ANTXR1: variants seen among roughly 807,000 people sequenced by gnomAD.
The protein encoded by ANTXR1 is anthrax toxin receptor 1.
Under a neutral mutation model 78.1 loss-of-function variants are expected in ANTXR1, and 19 were observed. That is an observed-to-expected ratio of 0.24 (90% confidence interval 0.17 to 0.36). ANTXR1 has a LOEUF of 0.36. Among genes scored for constraint, ANTXR1 ranks in the 10% least tolerant of loss-of-function variants. The pLI, the probability that ANTXR1 is intolerant of heterozygous loss-of-function variation, is 1.00. For synonymous variants in ANTXR1, 273 were observed against 260.5 expected (o/e 1.05, Z -0.46); for missense variants, 518 against 718.6 (o/e 0.72, Z 3.19).
At chr2:69,051,815 A>G (rs1427270479) in intron 3 of ANTXR1, among the ~76,000 whole-genome samples, 2 of 152,172 alleles carry the variant, frequency 1.3e-5, no homozygotes, top group South Asian at 4.1e-4. Flanking sequence ...TATTTTCATT[A>G]TGGAGTGTGC....
At chr2:69,052,130 T>C (rs917264024) in intron 3 of ANTXR1, among the ~76,000 whole-genome samples, 2 of 152,124 alleles carry the variant, frequency 1.3e-5, no homozygotes, top group Non-Finnish European at 2.9e-5. Context: ...TTGCATTGTA[T>C]TTTAGAAACA....
At chr2:69,206,834 G>A (rs1674917161) in intron 17 of ANTXR1, among the ~76,000 whole-genome samples, 2 of 152,174 alleles carry the variant, frequency 1.3e-5, no homozygotes, top group Admixed American at 1.3e-4. Context: ...CACTGCTGGT[G>A]GGCCTCAAGT....
chr2:69,029,319 T>G (rs1305298108), intron 1 of ANTXR1, among the ~76,000 whole-genome samples: 3 of 141,890 alleles, frequency 2.1e-5, no homozygotes, highest in African/African-American at 8.8e-5. Context: ...ATTAGATATA[T>G]ATAGATATAG....
At chr2:69,225,811 A>G (rs148414320) in intron 17 of ANTXR1, among the ~76,000 whole-genome samples, 45 of 152,326 alleles carry the variant, frequency 3.0e-4, no homozygotes, top group Middle Eastern at 3.4e-3. Context: ...GTTGGGTGCT[A>G]TTCCAGAGCT....
intron 4 of ANTXR1, 21 bp from the exon 5 acceptor site, chr2:69,071,733 G>T: frequency 6.2e-7 from 1 of 1,613,656 alleles, no homozygotes; most frequent in East Asian, 2.2e-5. Flanking sequence ...AAGTCTAAGG[G>T]CTCTTTCATA....
chr2:69,213,113 A>T (rs1019426466), intron 17 of ANTXR1, among the ~76,000 whole-genome samples: 2 of 151,990 alleles, frequency 1.3e-5, no homozygotes, highest in Non-Finnish European at 2.9e-5. Context: ...CCTGGCTATT[A>T]CTGTTAAACA....
At chr2:69,067,421 A>C (rs1670430982) in intron 3 of ANTXR1, among the ~76,000 whole-genome samples, 1 of 151,050 alleles carries the variant, frequency 6.6e-6, no homozygotes, top group Admixed American at 6.6e-5. Flanking sequence ...AAGCCAAGCA[A>C]ATATTTCCAC....
chr2:69,169,681 A>G (rs1017191809), intron 13 of ANTXR1, among the ~76,000 whole-genome samples: 2 of 152,250 alleles, frequency 1.3e-5, no homozygotes, highest in Admixed American at 1.3e-4. Context: ...CAGTGCCCTG[A>G]AAGAAATCCC....
intron 1 of ANTXR1, among the ~76,000 whole-genome samples, chr2:69,014,687 G>A (rs1034509677): frequency 3.9e-5 from 6 of 152,196 alleles, no homozygotes; most frequent in African/African-American, 1.4e-4. Flanking sequence ...AGTGCCAGGA[G>A]AGGCGCTTTG....
intron 16 of ANTXR1, among the ~76,000 whole-genome samples, chr2:69,191,821 G>A (rs1674552461): frequency 6.6e-6 from 1 of 152,226 alleles, no homozygotes; most frequent in South Asian, 2.1e-4. Flanking sequence ...TATGTGATTT[G>A]GAATTAGACA....
intron 17 of ANTXR1, among the ~76,000 whole-genome samples, chr2:69,210,935 CAAA>C (rs1159790329): frequency 6.9e-5 from 3 of 43,536 alleles, no homozygotes; most frequent in Non-Finnish European, 1.7e-4. Context: ...GACTCCATCA[CAAA>C]AAAAAAAAAA....
intron 3 of ANTXR1, among the ~76,000 whole-genome samples, chr2:69,062,247 C>A (rs1381806717): frequency 6.6e-6 from 1 of 152,128 alleles, no homozygotes; most frequent in African/African-American, 2.4e-5. Context: ...TAAGTTATCC[C>A]CCCTCACCCA....
At chr2:69,172,676 A>G (rs1437517348) in intron 14 of ANTXR1, 1 of 527,048 alleles carries the variant, frequency 1.9e-6, no homozygotes, top group Non-Finnish European at 2.6e-6. Context: ...AACTTAGAGA[A>G]TGAAGATAAC....
intron 17 of ANTXR1, among the ~76,000 whole-genome samples, chr2:69,217,609 G>A (rs1675209831): frequency 6.6e-6 from 1 of 152,162 alleles, no homozygotes; most frequent in African/African-American, 2.4e-5. Flanking sequence ...TTTAGTATAT[G>A]CAATATTGTG....
chr2:69,097,843 A>G (rs771841833), intron 9 of ANTXR1, among the ~76,000 whole-genome samples: 8 of 152,248 alleles, frequency 5.3e-5, no homozygotes, highest in Non-Finnish European at 7.4e-5. Context: ...GTTCATCCAC[A>G]GGTAGGTGGA....
intron 12 of ANTXR1, among the ~76,000 whole-genome samples, chr2:69,132,957 T>C (rs1294806217): frequency 6.6e-6 from 1 of 152,128 alleles, no homozygotes; most frequent in East Asian, 1.9e-4. Context: ...TAAAAGCAAA[T>C]ATCACACAGG....
chr2:69,206,449 A>G (rs140044833), intron 17 of ANTXR1, among the ~76,000 whole-genome samples: 1 of 152,318 alleles, frequency 6.6e-6, no homozygotes, highest in East Asian at 1.9e-4. Context: ...TGGAAAGTCC[A>G]CCGTGGAATC....
In ANTXR1 at chr2:69,249,166, A is replaced by G. The variant is rs532426847; in HGVS notation, c.*3681A>G. On this transcript the variant is annotated 3_prime_UTR_variant, in exon 18 of 18. Transcript: ENST00000303714. ...TTTAAAAAAATAATAAATTTCTTAA[A>G]TCAACTCTTTTTTCTGGTTGTCTGT... The G allele has an allele frequency of 2.2e-4, 34 of 151,932 alleles. No individual in the cohort carries two copies. Among genetic ancestry groups the G allele is most frequent in the African/African-American group, 8.2e-4 (34 of 41,416 alleles). 9.4% of individuals were successfully genotyped at this position (151,932 alleles called of 1,614,324 possible).
At chr2:69,090,768 A>C in intron 8 of ANTXR1, 91 bp from the exon 9 acceptor site, 5 of 1,292,816 alleles carry the variant, frequency 3.9e-6, no homozygotes, top group Non-Finnish European at 5.6e-6. Flanking sequence ...GAACCTTCCT[A>C]TCTCTATCTC....
Sources: gnomAD v4.1 joint callset for allele counts (sites outside exome capture counted in the v4.1 genomes callset) on GRCh38, gnomAD v4.1.1 for gene constraint, MANE v1.5 for transcripts, NCBI Gene and HGNC (gene_info 2026-07-23, HGNC 2026-07-21) for gene names.